The following INSC variants were observed in gnomAD, a reference collection of about 807,000 sequenced individuals.
INSC encodes INSC spindle orientation adaptor protein.
Under a neutral mutation model 58.6 loss-of-function variants are expected in INSC, and 67 were observed. That is an observed-to-expected ratio of 1.14 (90% confidence interval 0.94 to 1.40). The LOEUF (loss-of-function observed/expected upper bound fraction) is 1.40. Among genes scored for constraint, INSC ranks in the 40% most tolerant of loss-of-function variants. The pLI is 0.00. For missense variants in INSC, 714 were observed against 692.0 expected (o/e 1.03, Z -0.36); for synonymous variants, 262 against 276.1 (o/e 0.95, Z 0.51).
chr11:15,243,297 CA>C (rs1852429770), intron 12 of INSC, among the ~76,000 whole-genome samples: 5 of 152,316 alleles, frequency 3.3e-5, no homozygotes, highest in Admixed American at 3.3e-4. Flanking sequence ...TTCCCAGCTT[CA>C]AAGGCTCCCT....
the INSC span, among the ~76,000 whole-genome samples, chr11:15,261,765 T>A: frequency 1.3e-5 from 2 of 152,076 alleles, no homozygotes; most frequent in Non-Finnish European, 2.9e-5. Context: ...ATGGGAAAAT[T>A]AGCGGGAAAA....
intron 1 of INSC, among the ~76,000 whole-genome samples, chr11:15,131,645 C>G (rs1848128178): frequency 6.6e-6 from 1 of 152,060 alleles, no homozygotes; most frequent in Admixed American, 6.5e-5. Context: ...TAAGACTATG[C>G]TATTAGGTAT....
In INSC at chr11:15,246,381, G is replaced by C. The variant is rs76368578; in HGVS notation, c.*341G>C. On this transcript the variant is annotated 3_prime_UTR_variant, in exon 13 of 13. Coordinates refer to ENST00000379556, the MANE Select transcript of INSC (RefSeq NM_001042536.3). ...TCTTGCCTCATTTTTTAAAACTTTGGAACCAGAGGATTTCAACTGCCTAGC... is the reference window on the plus strand; with the variant it reads ...TCTTGCCTCATTTTTTAAAACTTTGCAACCAGAGGATTTCAACTGCCTAGC... 0.13 allele frequency: 20,336 copies of C among 158,868 alleles called. 1,482 individuals are homozygous for C. The highest frequency in any genetic ancestry group is 0.18 in the Middle Eastern group (56 of 318). 9.8% of individuals were successfully genotyped at this position (158,868 alleles called of 1,614,324 possible). A position where few individuals can be genotyped will look rare whatever the true frequency, so the allele number is the denominator to read the frequency against.
the INSC span, among the ~76,000 whole-genome samples, chr11:15,268,849 A>T: frequency 6.6e-6 from 1 of 152,112 alleles, no homozygotes; most frequent in Non-Finnish European, 1.5e-5. Flanking sequence ...AAGTTTCATA[A>T]GACTATATGG....
the INSC span, among the ~76,000 whole-genome samples, chr11:15,268,133 T>C: frequency 6.6e-6 from 1 of 152,064 alleles, no homozygotes; most frequent in East Asian, 1.9e-4. Context: ...ATTTGTTTTC[T>C]CTTTCTGAGA....
chr11:15,138,424 G>A (rs1449428389), intron 1 of INSC, among the ~76,000 whole-genome samples: 2 of 152,172 alleles, frequency 1.3e-5, no homozygotes, highest in Non-Finnish European at 2.9e-5. Flanking sequence ...ATAGAGTGAA[G>A]TGCCCCAACT....
At position 15,178,223 on chromosome 11, in the gene INSC, A is replaced by T; in HGVS notation, c.456-101A>T. ...ACTCCCAGTTGCCAATGTCTTCAGCACACACCAGGCTTGTAGCAGGTCCAG... is the reference window on the plus strand; with the variant it reads ...ACTCCCAGTTGCCAATGTCTTCAGCTCACACCAGGCTTGTAGCAGGTCCAG... On this transcript the variant is annotated intron_variant, in intron 4 of 12. Coordinates refer to ENST00000379556, the MANE Select transcript of INSC (RefSeq NM_001042536.3). 5 of 1,489,914 alleles carry T rather than the reference A, an allele frequency of 3.4e-6. No individual in the cohort carries two copies. In the South Asian group the frequency reaches 5.1e-5, roughly 15 times the overall value. The allele number at this position is 1,489,914 out of a possible 1,614,324, so 92.3% of individuals were successfully genotyped here.
At chr11:15,184,065 T>G (rs1849878429) in intron 5 of INSC, among the ~76,000 whole-genome samples, 1 of 152,098 alleles carries the variant, frequency 6.6e-6, no homozygotes, top group Non-Finnish European at 1.5e-5. Context: ...CTTTTTAAAT[T>G]CTCAGTTCTT....
intron 7 of INSC, among the ~76,000 whole-genome samples, chr11:15,208,968 C>G (rs918652947): frequency 1.3e-5 from 2 of 152,152 alleles, no homozygotes; most frequent in African/African-American, 4.8e-5. Flanking sequence ...TTTACAAATT[C>G]AGGGCAGTGA....
intron 9 of INSC, among the ~76,000 whole-genome samples, chr11:15,230,886 A>C (rs1619444): frequency 6.6e-6 from 1 of 151,954 alleles, no homozygotes; most frequent in Non-Finnish European, 1.5e-5. Context: ...ATCTTAGCCC[A>C]CCAGTCTTGC....
intron 7 of INSC, among the ~76,000 whole-genome samples, chr11:15,212,669 A>G (rs941657721): frequency 6.6e-6 from 1 of 152,248 alleles, no homozygotes; most frequent in African/African-American, 2.4e-5. Context: ...TAATACATAA[A>G]AAATACAAGT....
chr11:15,235,793 T>G, intron 10 of INSC, 125 bp downstream of exon 10: 2 of 850,996 alleles, frequency 2.4e-6, no homozygotes, highest in South Asian at 1.3e-5. Flanking sequence ...GCAGGAATCA[T>G]GCCTGTAATC....
chr11:15,243,434 G>A (rs1852435288), intron 12 of INSC, among the ~76,000 whole-genome samples: 1 of 152,210 alleles, frequency 6.6e-6, no homozygotes, highest in Admixed American at 6.5e-5. Flanking sequence ...TGCCAGGCTT[G>A]TTTAATGCTT....
intron 2 of INSC, among the ~76,000 whole-genome samples, chr11:15,155,060 C>T (rs142003888): frequency 0.022 from 3,286 of 152,182 alleles, 61 homozygotes; most frequent in Middle Eastern, 0.034. Flanking sequence ...TGTGGGGTGG[C>T]CTAGGGTGCC....
At chr11:15,192,338 T>A (rs1850210469) in intron 6 of INSC, among the ~76,000 whole-genome samples, 1 of 152,186 alleles carries the variant, frequency 6.6e-6, no homozygotes, top group Admixed American at 6.5e-5. Flanking sequence ...TTGAATGTCC[T>A]CTCTTTTTGC....
At position 15,225,809 on chromosome 11, in the gene INSC, C is replaced by T. The variant is rs200762289; in HGVS notation, c.1151C>T (p.Thr384Met). Reference sequence around the variant, plus strand: ...TGCAGTGACAAGCAGAGAGTGGACACGCCTTACACTCGGGACCAGGTAAGA... The same window carrying T: ...TGCAGTGACAAGCAGAGAGTGGACATGCCTTACACTCGGGACCAGGTAAGA... The part of the protein sequence containing the change: ...EACSDKQRVD[T>M]PYTRDQIVTI... Residue 384 changes from threonine to methionine, a missense_variant, in exon 9 of 13, where the codon ACG becomes ATG. Physicochemically the swap from Thr to Met is moderately conservative, Grantham distance 81 (BLOSUM62 -1). Transcript: ENST00000379556. 1.7e-5 allele frequency: 28 copies of T among 1,613,148 alleles called. No homozygotes were observed. Among genetic ancestry groups the T allele is most frequent in the African/African-American group, 8.0e-5 (6 of 74,914 alleles).
chr11:15,238,395 C>T (rs1022401043), intron 10 of INSC, among the ~76,000 whole-genome samples: 19 of 152,298 alleles, frequency 1.2e-4, no homozygotes. Context: ...GGACCTGTCT[C>T]AGAAGCAGCC....
At chr11:15,113,106 CTT>C (rs1395026570), upstream of INSC, among the ~76,000 whole-genome samples, 2 of 131,916 alleles carry the variant, frequency 1.5e-5, no homozygotes, top group Admixed American at 7.6e-5. Flanking sequence ...CTCTTTCTTT[CTT>C]TTCTCTCTCT....
At chr11:15,124,667 C>A (rs190792184) in intron 1 of INSC, among the ~76,000 whole-genome samples, 110 of 152,196 alleles carry the variant, frequency 7.2e-4, no homozygotes, top group African/African-American at 2.5e-3. Flanking sequence ...CTAATCCTGG[C>A]CCCATCCCCA....
Sources: allele counts gnomAD v4.1 joint callset (sites outside exome capture counted in the v4.1 genomes callset), GRCh38; gene constraint gnomAD v4.1.1; transcripts MANE v1.5; gene names NCBI Gene and HGNC (gene_info 2026-07-23, HGNC 2026-07-21).